ZDHHC14: variants seen among roughly 807,000 people sequenced by gnomAD.
ZDHHC14 encodes the protein palmitoyltransferase ZDHHC14.
A neutral mutation model predicts 47.7 loss-of-function variants in ZDHHC14; 16 were observed. The observed-to-expected ratio is 0.34, with a 90% CI of 0.23 to 0.51. The LOEUF (loss-of-function observed/expected upper bound fraction) is 0.51, where lower values mean the gene tolerates loss of function less well. ZDHHC14 is among the 20% of genes least tolerant of loss of function. The pLI, the probability that ZDHHC14 is intolerant of heterozygous loss-of-function variation, is 0.97. For missense variants in ZDHHC14, 515 were observed against 662.5 expected (o/e 0.78, Z 2.44); for synonymous variants, 293 against 278.9 (o/e 1.05, Z -0.50).
rs1035027584 is a variant in ZDHHC14, at chr6:157,608,573, G to T, written c.565+15427G>T. On this transcript the variant is annotated intron_variant, in intron 3 of 8. Transcript: ENST00000359775. ...TGGGAGGATGCCTGTGCTGAGCCCG[G>T]GCAGGAGAAGATGGGCCTGCCCGAG... Among the ~76,000 whole-genome samples, 5 of 152,324 alleles carry T rather than the reference G, an allele frequency of 3.3e-5. 1 individual carries two copies. The highest frequency in any genetic ancestry group is 2.6e-4 in the Admixed American group (4 of 15,308).
chr6:157,389,341 T>C (rs1373366943), intron 1 of ZDHHC14, among the ~76,000 whole-genome samples: 1 of 152,234 alleles, frequency 6.6e-6, no homozygotes, highest in East Asian at 1.9e-4. Context: ...GAAGAGTAAG[T>C]TGCAGATATT....
intron 1 of ZDHHC14, among the ~76,000 whole-genome samples, chr6:157,435,395 G>A (rs1010628919): frequency 6.6e-6 from 1 of 152,204 alleles, no homozygotes; most frequent in Admixed American, 6.5e-5. Context: ...AAGTCTTTGT[G>A]ATATCGATGA....
chr6:157,614,092 G>A (rs750316436), intron 3 of ZDHHC14, among the ~76,000 whole-genome samples: 65 of 152,092 alleles, frequency 4.3e-4, no homozygotes, highest in Non-Finnish European at 5.6e-4. Context: ...CCCCCCCACC[G>A]CTGGCTGGTG....
At chr6:157,453,788 T>TTTTTTTGTGTGTGTGTGTGTGTG (rs3220439) in intron 1 of ZDHHC14, among the ~76,000 whole-genome samples, 1 of 148,098 alleles carries the variant, frequency 6.8e-6, no homozygotes, top group Admixed American at 6.7e-5. Context: ...TTTTTGTGTT[T>TTTTTTTGTGTGTGTGTGTGTGTG]TGTGTGTGTG....
intron 7 of ZDHHC14, among the ~76,000 whole-genome samples, chr6:157,647,850 C>T (rs540733806): frequency 6.6e-6 from 1 of 152,248 alleles, no homozygotes; most frequent in African/African-American, 2.4e-5. Flanking sequence ...ATGACGATGA[C>T]ACGAACCATG....
intron 1 of ZDHHC14, among the ~76,000 whole-genome samples, chr6:157,458,155 C>T (rs370097352): frequency 2.3e-4 from 35 of 152,158 alleles, no homozygotes; most frequent in African/African-American, 8.0e-4. Flanking sequence ...AGTGTTTTTG[C>T]GGAAGCAGGG....
At chr6:157,660,963 G>A (rs1778320655) in intron 8 of ZDHHC14, among the ~76,000 whole-genome samples, 2 of 152,198 alleles carry the variant, frequency 1.3e-5, no homozygotes, top group African/African-American at 2.4e-5. Flanking sequence ...AGACTGTTGG[G>A]GGAGGGGCAG....
intron 7 of ZDHHC14, among the ~76,000 whole-genome samples, chr6:157,647,591 A>G (rs1478445312): frequency 6.6e-6 from 1 of 152,156 alleles, no homozygotes; most frequent in Non-Finnish European, 1.5e-5. Context: ...TTGGGGGGAA[A>G]TTTCCTAAAG....
chr6:157,588,653 G>A (rs1032645125), intron 2 of ZDHHC14, among the ~76,000 whole-genome samples: 1 of 152,224 alleles, frequency 6.6e-6, no homozygotes, highest in Non-Finnish European at 1.5e-5. Flanking sequence ...AAACGCTTGG[G>A]TGTGGGTGTG....
chr6:157,627,437 T>C (rs1255475689), intron 3 of ZDHHC14, among the ~76,000 whole-genome samples: 3 of 152,176 alleles, frequency 2.0e-5, no homozygotes, highest in Non-Finnish European at 4.4e-5. Context: ...AGAATGGTGT[T>C]CTCAATAGAA....
At position 157,613,501 on chromosome 6, in the gene ZDHHC14, G is replaced by A. The variant is rs140510813; in HGVS notation, c.566-14848G>A. The stretch of plus-strand genomic sequence containing the variant: ...CCAAGGATTCCATTGACTTATGCCG[G>A]GGTTAGCCCAGGGTGTCAGCCTGCC... On this transcript the variant is annotated intron_variant, in intron 3 of 8. Transcript: ENST00000359775. 2.8e-4 allele frequency among the ~76,000 whole-genome samples: 42 copies of A among 152,276 alleles called. No homozygotes were observed. In the East Asian group the frequency reaches 7.9e-3, roughly 29 times the overall value.
At chr6:157,438,186 A>T (rs532561567) in intron 1 of ZDHHC14, among the ~76,000 whole-genome samples, 1 of 152,332 alleles carries the variant, frequency 6.6e-6, no homozygotes, top group Admixed American at 6.5e-5. Context: ...CCCAGAAAAA[A>T]ATATACTTCT....
In ZDHHC14 at chr6:157,606,519, A is replaced by C. The variant is rs572750939; in HGVS notation, c.565+13373A>C. ...GAGAGAGTTTAATGAGGTGAGCTGC[A>C]TGCTTGGATTAGAAGATGCCAGAAG... On this transcript the variant is annotated intron_variant, in intron 3 of 8. Coordinates refer to ENST00000359775, the MANE Select transcript of ZDHHC14 (RefSeq NM_024630.3). Among the ~76,000 whole-genome samples the C allele has an allele frequency of 2.0e-5, 3 of 152,362 alleles. No homozygotes were observed. The East Asian group carries it at 5.8e-4, about 29-fold the overall frequency.
At chr6:157,423,854 G>C (rs1269727571) in intron 1 of ZDHHC14, among the ~76,000 whole-genome samples, 1 of 152,088 alleles carries the variant, frequency 6.6e-6, no homozygotes, top group Non-Finnish European at 1.5e-5. Flanking sequence ...AGAATCTCAG[G>C]TTCCACCCCA....
intron 1 of ZDHHC14, among the ~76,000 whole-genome samples, chr6:157,496,966 T>C (rs182415321): frequency 1.2e-4 from 19 of 152,218 alleles, no homozygotes; most frequent in East Asian, 5.8e-4. Flanking sequence ...ACATGAAATA[T>C]TGTGTGTGGG....
At chr6:157,387,425 AC>A in intron 1 of ZDHHC14, among the ~76,000 whole-genome samples, 1 of 151,858 alleles carries the variant, frequency 6.6e-6, no homozygotes, top group Admixed American at 6.6e-5. Flanking sequence ...TTTTCTTACC[AC>A]CCCCTGGCCA....
At position 157,676,145 on chromosome 6, in the gene ZDHHC14, T is replaced by G. The variant is rs10945715; in HGVS notation, c.*3023T>G. 0.02 allele frequency: 3,111 copies of G among 151,972 alleles called. 69 individuals carry two copies. The highest frequency in any genetic ancestry group is 0.1 in the East Asian group (522 of 5,158). The allele number at this position is 151,972 out of a possible 1,614,324, so 9.4% of individuals were successfully genotyped here. ...GCAGGAAGGCGGCACAAAGCCTGCATCCGGGAGGGCCCCAGGAAGCAGGGG... is the reference window on the plus strand; with the variant it reads ...GCAGGAAGGCGGCACAAAGCCTGCAGCCGGGAGGGCCCCAGGAAGCAGGGG... On this transcript the variant is annotated 3_prime_UTR_variant, in exon 9 of 9. Coordinates refer to ENST00000359775, the MANE Select transcript of ZDHHC14 (RefSeq NM_024630.3).
intron 1 of ZDHHC14, among the ~76,000 whole-genome samples, chr6:157,480,048 C>T (rs1209019724): frequency 2.0e-5 from 3 of 152,118 alleles, no homozygotes; most frequent in African/African-American, 7.2e-5. Flanking sequence ...CAGTGGCCCA[C>T]CTATGTCACA....
chr6:157,413,592 T>C (rs1777913833), intron 1 of ZDHHC14, among the ~76,000 whole-genome samples: 1 of 151,648 alleles, frequency 6.6e-6, no homozygotes, highest in African/African-American at 2.4e-5. Context: ...TTCCTTTCTT[T>C]TTTTTTTTTT....
Sources: allele counts gnomAD v4.1 joint callset (sites outside exome capture counted in the v4.1 genomes callset), GRCh38; gene constraint gnomAD v4.1.1; transcripts MANE v1.5; gene names NCBI Gene and HGNC (gene_info 2026-07-23, HGNC 2026-07-21).